The following KCND2 variants were observed in gnomAD, a reference collection of about 807,000 sequenced individuals.
The protein encoded by KCND2 is A-type voltage-gated potassium channel KCND2.
KCND2 carries 16 observed loss-of-function variants against 54.4 expected under a neutral mutation model. The observed-to-expected ratio is 0.29, with a 90% CI of 0.20 to 0.45. The LOEUF is 0.45. Among genes scored for constraint, KCND2 ranks in the 20% least tolerant of loss-of-function variants. KCND2 has a pLI of 1.00. For missense variants in KCND2, 486 were observed against 824.2 expected, an observed-to-expected ratio of 0.59 and a Z score of 5.02; for synonymous variants, 317 against 310.7, an observed-to-expected ratio of 1.02 and a Z score of -0.21.
At chr7:120,638,791 T>C (rs1487773186) in intron 1 of KCND2, among the ~76,000 whole-genome samples, 1 of 152,054 alleles carries the variant, frequency 6.6e-6, no homozygotes, top group Admixed American at 6.6e-5. Flanking sequence ...CAGACCTGCG[T>C]TGGGGTTGTA....
At position 120,629,432 on chromosome 7, in the gene KCND2, G is replaced by A. The variant is rs548120620; in HGVS notation, c.1116-103471G>A. On this transcript the variant is annotated intron_variant, in intron 1 of 5. Transcript: ENST00000331113. ...ACCCGGGAGGCGGAGTTTGCAGTGA[G>A]CCGAGATGGTGCCACTGCACTCCAT... is the stretch of plus-strand genomic sequence containing the variant. Among the ~76,000 whole-genome samples, 17 of 152,210 alleles carry A rather than the reference G, an allele frequency of 1.1e-4. No individual in the cohort carries two copies. In the South Asian group the frequency reaches 3.5e-3, roughly 32 times the overall value.
chr7:120,409,448 TTAACTC>T lies in KCND2; in HGVS notation c.1115+133704_1115+133709del, dbSNP rs1414610706. ...AGATTGCTAGATAATATACAAATGT[TTAACTC>T]TATAAGAAGGTGCCAAACCACTTTC... is the stretch of plus-strand genomic sequence containing the variant. On this transcript the variant is annotated intron_variant, in intron 1 of 5. Transcript: ENST00000331113. Among the ~76,000 whole-genome samples, 7 of 152,060 alleles carry T rather than the reference TTAACTC, an allele frequency of 4.6e-5. No individual in the cohort carries two copies. In the East Asian group the frequency reaches 1.4e-3, roughly 29 times the overall value.
chr7:120,432,713 C>G (rs550802317), intron 1 of KCND2, among the ~76,000 whole-genome samples: 50 of 152,148 alleles, frequency 3.3e-4, no homozygotes, highest in African/African-American at 1.2e-3. Flanking sequence ...GGCACGATCT[C>G]GGCTCACTGC....
At chr7:120,301,097 C>T (rs1490631736) in intron 1 of KCND2, among the ~76,000 whole-genome samples, 1 of 151,964 alleles carries the variant, frequency 6.6e-6, no homozygotes, top group Non-Finnish European at 1.5e-5. Context: ...TTATATACAA[C>T]AATAAAACAA....
chr7:120,532,312 AAAG>A (rs1269172570), intron 1 of KCND2, among the ~76,000 whole-genome samples: 1 of 151,994 alleles, frequency 6.6e-6, no homozygotes, highest in East Asian at 1.9e-4. Context: ...AACAAGTTTT[AAAG>A]AATAGACAAT....
chr7:120,509,416 A>C (rs1200421308), intron 1 of KCND2, among the ~76,000 whole-genome samples: 2 of 152,058 alleles, frequency 1.3e-5, no homozygotes, highest in Non-Finnish European at 2.9e-5. Flanking sequence ...TCTTCAATAC[A>C]TGTAACACAA....
At chr7:120,546,068 T>C (rs576579880) in intron 1 of KCND2, among the ~76,000 whole-genome samples, 1 of 151,998 alleles carries the variant, frequency 6.6e-6, no homozygotes, top group African/African-American at 2.4e-5. Context: ...TAAAATAACA[T>C]TCACAATACA....
At chr7:120,395,951 A>G (rs1801149607) in intron 1 of KCND2, among the ~76,000 whole-genome samples, 1 of 152,176 alleles carries the variant, frequency 6.6e-6, no homozygotes, top group African/African-American at 2.4e-5. Context: ...TCATGCAAGT[A>G]AACTGCCTGT....
In KCND2 at chr7:120,471,400, T is replaced by C. The variant is rs140295212; in HGVS notation, c.1115+195653T>C. On this transcript the variant is annotated intron_variant, in intron 1 of 5. Coordinates refer to ENST00000331113, the MANE Select transcript of KCND2 (RefSeq NM_012281.3). ...AATATGAATTATACATTCCTCTAAATGTGTAATTGGAGAAGAAGATTTTAT... is the reference window on the plus strand; with the variant it reads ...AATATGAATTATACATTCCTCTAAACGTGTAATTGGAGAAGAAGATTTTAT... 2.8e-3 allele frequency among the ~76,000 whole-genome samples: 421 copies of C among 152,212 alleles called. 3 individuals are homozygous for C. Among genetic ancestry groups the C allele is most frequent in the Admixed American group, 0.013 (204 of 15,262 alleles).
chr7:120,575,422 G>A (rs111429028), intron 1 of KCND2, among the ~76,000 whole-genome samples: 6,208 of 152,168 alleles, frequency 0.041, 157 homozygotes, highest in Non-Finnish European at 0.066. Flanking sequence ...ATCCTTCCAC[G>A]TTCCTATGCT....
chr7:120,524,499 A>G (rs1791746763), intron 1 of KCND2, among the ~76,000 whole-genome samples: 1 of 152,140 alleles, frequency 6.6e-6, no homozygotes, highest in African/African-American at 2.4e-5. Flanking sequence ...TATAGCCATT[A>G]TTTGTTTAAA....
intron 1 of KCND2, among the ~76,000 whole-genome samples, chr7:120,573,769 A>C (rs1792394317): frequency 6.6e-6 from 1 of 152,134 alleles, no homozygotes; most frequent in Non-Finnish European, 1.5e-5. Context: ...ATAGTCACAA[A>C]GTACTAACTT....
intron 1 of KCND2, among the ~76,000 whole-genome samples, chr7:120,568,955 G>C (rs751025026): frequency 6.6e-6 from 1 of 152,046 alleles, no homozygotes; most frequent in Non-Finnish European, 1.5e-5. Context: ...TTGGCTGAAA[G>C]AATGATCAGT....
chr7:120,642,519 A>G (rs1793389594), intron 1 of KCND2, among the ~76,000 whole-genome samples: 1 of 151,264 alleles, frequency 6.6e-6, no homozygotes, highest in South Asian at 2.1e-4. Context: ...CTGAGACTGC[A>G]CTCCAGCCTG....
chr7:120,613,685 TG>T (rs1174464884), intron 1 of KCND2, among the ~76,000 whole-genome samples: 1 of 152,222 alleles, frequency 6.6e-6, no homozygotes, highest in Non-Finnish European at 1.5e-5. Flanking sequence ...CCTGATGTAG[TG>T]GGGACATTCT....
At chr7:120,469,824 A>G (rs1407282769) in intron 1 of KCND2, among the ~76,000 whole-genome samples, 1 of 152,152 alleles carries the variant, frequency 6.6e-6, no homozygotes, top group African/African-American at 2.4e-5. Flanking sequence ...GACTAACTGC[A>G]TGATACTAGT....
chr7:120,385,865 G>A (rs893450747), intron 1 of KCND2, among the ~76,000 whole-genome samples: 8 of 152,142 alleles, frequency 5.3e-5, no homozygotes, highest in East Asian at 1.9e-4. Context: ...GTTTCCAGCC[G>A]TTCTTCATTG....
intron 1 of KCND2, among the ~76,000 whole-genome samples, chr7:120,695,055 G>T (rs1399320294): frequency 1.3e-5 from 2 of 152,170 alleles, no homozygotes; most frequent in East Asian, 3.9e-4. Flanking sequence ...TGATTTCCCA[G>T]CAAAGTTTGC....
At chr7:120,609,280 T>C (rs565205001) in intron 1 of KCND2, among the ~76,000 whole-genome samples, 65 of 152,286 alleles carry the variant, frequency 4.3e-4, no homozygotes, top group Admixed American at 7.9e-4. Flanking sequence ...ACAGATTAAC[T>C]GAAATCATTA....
Sources: gnomAD v4.1 joint callset for allele counts (sites outside exome capture counted in the v4.1 genomes callset) on GRCh38, gnomAD v4.1.1 for gene constraint, MANE v1.5 for transcripts, NCBI Gene and HGNC (gene_info 2026-07-23, HGNC 2026-07-21) for gene names.